Variants in GRIN2B observed in about 807,000 individuals in gnomAD.
The protein encoded by GRIN2B is glutamate receptor ionotropic, NMDA 2B.
GRIN2B carries 5 observed loss-of-function variants against 114.5 expected under a neutral mutation model. The ratio of observed to expected loss-of-function variants is 0.04; its 90% confidence interval spans 0.02 to 0.09. The LOEUF (loss-of-function observed/expected upper bound fraction) is 0.09, where lower values mean the gene tolerates loss of function less well. GRIN2B is among the 10% of genes least tolerant of loss of function. The probability of loss-of-function intolerance (pLI) is 1.00; values close to 1 mark genes in which losing one functional copy is unlikely to be tolerated. For missense variants in GRIN2B, 1,108 were observed against 1,943.5 expected, an observed-to-expected ratio of 0.57 and a Z score of 8.08; for synonymous variants, 787 against 745.1, an observed-to-expected ratio of 1.06 and a Z score of -0.92.
At chr12:13,723,444 T>C (rs964530361) in intron 4 of GRIN2B, among the ~76,000 whole-genome samples, 7 of 151,726 alleles carry the variant, frequency 4.6e-5, no homozygotes, top group Non-Finnish European at 8.8e-5. Context: ...CCTGTCTCAC[T>C]GTTCTAGTCC....
intron 3 of GRIN2B, among the ~76,000 whole-genome samples, chr12:13,818,015 C>A (rs1173432735): frequency 6.6e-6 from 1 of 152,030 alleles, no homozygotes; most frequent in Non-Finnish European, 1.5e-5. Context: ...TAAAAAGAGG[C>A]CTGAATAATT....
chr12:13,685,814 A>G (rs185488934), intron 4 of GRIN2B, among the ~76,000 whole-genome samples: 5 of 152,316 alleles, frequency 3.3e-5, no homozygotes, highest in African/African-American at 1.2e-4. Context: ...CTGGGAATGG[A>G]GAAAGTGAAC....
At chr12:13,926,546 C>T (rs193011818) in intron 2 of GRIN2B, among the ~76,000 whole-genome samples, 53 of 152,264 alleles carry the variant, frequency 3.5e-4, no homozygotes, top group African/African-American at 1.3e-3. Context: ...ATGGATGGAA[C>T]CTGGATGAGA....
intron 10 of GRIN2B, among the ~76,000 whole-genome samples, chr12:13,575,130 T>C (rs1948757612): frequency 6.6e-6 from 1 of 152,212 alleles, no homozygotes; most frequent in African/African-American, 2.4e-5. Context: ...ATTTGTAATC[T>C]TGAGTTAGAC....
chr12:13,697,380 T>C (rs986968757), intron 4 of GRIN2B, among the ~76,000 whole-genome samples: 1 of 152,152 alleles, frequency 6.6e-6, no homozygotes, highest in African/African-American at 2.4e-5. Flanking sequence ...GCAACTAACA[T>C]CTAGCTGAGT....
At chr12:13,819,129 A>C (rs1864884105) in intron 3 of GRIN2B, among the ~76,000 whole-genome samples, 1 of 152,174 alleles carries the variant, frequency 6.6e-6, no homozygotes, top group Non-Finnish European at 1.5e-5. Context: ...GTCTTTATAA[A>C]AAGAGGAAAT....
intron 3 of GRIN2B, among the ~76,000 whole-genome samples, chr12:13,822,318 C>T (rs1365110945): frequency 6.6e-6 from 1 of 152,102 alleles, no homozygotes; most frequent in African/African-American, 2.4e-5. Flanking sequence ...AAGGTAGGTC[C>T]ACCCTCTCAG....
intron 2 of GRIN2B, among the ~76,000 whole-genome samples, chr12:13,898,490 T>C (rs905026662): frequency 1.6e-4 from 24 of 152,210 alleles, no homozygotes; most frequent in Non-Finnish European, 2.9e-4. Context: ...TTAGTTGACA[T>C]TGTATGACCA....
intron 4 of GRIN2B, among the ~76,000 whole-genome samples, chr12:13,703,062 A>G (rs1160189693): frequency 6.6e-6 from 1 of 152,202 alleles, no homozygotes; most frequent in Admixed American, 6.5e-5. Context: ...CAAAGGTGCC[A>G]TGTGGGTTAA....
At chr12:13,601,542 G>T (rs760737379) in intron 10 of GRIN2B, among the ~76,000 whole-genome samples, 4 of 151,028 alleles carry the variant, frequency 2.6e-5, no homozygotes, top group Non-Finnish European at 4.4e-5. Context: ...TCTAAACAAG[G>T]TCAATGTTTG....
At chr12:13,596,288 C>A (rs1949072635) in intron 10 of GRIN2B, among the ~76,000 whole-genome samples, 1 of 152,226 alleles carries the variant, frequency 6.6e-6, no homozygotes, top group Non-Finnish European at 1.5e-5. Flanking sequence ...GCAAGAAACA[C>A]AGCTGGCTAA....
At chr12:13,699,664 T>G (rs983527813) in intron 4 of GRIN2B, among the ~76,000 whole-genome samples, 3 of 151,996 alleles carry the variant, frequency 2.0e-5, no homozygotes, top group Non-Finnish European at 4.4e-5. Context: ...CTCAGCTCAC[T>G]GCAACCTCCG....
chr12:13,551,671 G>A lies in GRIN2B; in HGVS notation c.*11112C>T, dbSNP rs1312318213. On this transcript the variant is annotated 3_prime_UTR_variant, in exon 14 of 14. Transcript: ENST00000609686. ...GTTAAGATTGTGTGTGTGCATTAGG[G>A]AGGTACATAGGCATCAGAATGCTCA... is the stretch of plus-strand genomic sequence containing the variant. The A allele has an allele frequency of 6.6e-6, 1 of 152,166 alleles. No individual in the cohort carries two copies. Among genetic ancestry groups the A allele is most frequent in the Admixed American group, 6.5e-5 (1 of 15,268 alleles). The allele number at this position is 152,166 out of a possible 1,614,324, so 9.4% of individuals were successfully genotyped here. A position where few individuals can be genotyped will look rare whatever the true frequency, so the allele number is the denominator to read the frequency against.
chr12:13,616,684 G>A, intron 5 of GRIN2B, 27 bp from the exon 6 acceptor site: 2 of 1,544,058 alleles, frequency 1.3e-6, no homozygotes, highest in Non-Finnish European at 1.8e-6. Context: ...ACAAGAATCA[G>A]AAACCACTGG....
chr12:13,893,756 C>T (rs529586192), intron 2 of GRIN2B, among the ~76,000 whole-genome samples: 22 of 151,686 alleles, frequency 1.5e-4, no homozygotes, highest in Admixed American at 4.6e-4. Flanking sequence ...ACAATGATTT[C>T]GAAGAACTGA....
chr12:13,887,474 A>T (rs1017136922), intron 2 of GRIN2B, among the ~76,000 whole-genome samples: 9 of 152,240 alleles, frequency 5.9e-5, no homozygotes, highest in Non-Finnish European at 1.3e-4. Context: ...ATACGTAGGC[A>T]TGGGATTACA....
rs1260952702 is a variant in GRIN2B, at chr12:13,549,833, T to TTTGAC, written c.*12945_*12949dup. The TTTGAC allele has an allele frequency of 1.3e-5, 2 of 152,214 alleles. No homozygotes were observed. Among genetic ancestry groups the TTTGAC allele is most frequent in the Non-Finnish European group, 2.9e-5 (2 of 68,020 alleles). The allele number at this position is 152,214 out of a possible 1,614,324, so 9.4% of individuals were successfully genotyped here. On this transcript the variant is annotated 3_prime_UTR_variant, in exon 14 of 14. Transcript: ENST00000609686. ...AAATTTTTGCTTTCTTCTTGCTCTT[T>TTTGAC]TTGACTTGTCTCTGTAGATGTATGT...
At chr12:13,690,115 C>A (rs74950699) in intron 4 of GRIN2B, among the ~76,000 whole-genome samples, 5,546 of 152,188 alleles carry the variant, frequency 0.036, 339 homozygotes, top group African/African-American at 0.13. Context: ...AGGTAAAAAT[C>A]AAATCTCGTC....
At chr12:13,970,934 A>G (rs1488247506) in intron 2 of GRIN2B, among the ~76,000 whole-genome samples, 1 of 152,202 alleles carries the variant, frequency 6.6e-6, no homozygotes, top group Non-Finnish European at 1.5e-5. Context: ...CTCAGAAACA[A>G]TTCTGGAGCC....
Sources: allele counts gnomAD v4.1 joint callset (sites outside exome capture counted in the v4.1 genomes callset), GRCh38; gene constraint gnomAD v4.1.1; transcripts MANE v1.5; gene names NCBI Gene and HGNC (gene_info 2026-07-23, HGNC 2026-07-21).